The following TTC6 variants were observed in gnomAD, a reference collection of about 807,000 sequenced individuals.
The protein encoded by TTC6 is tetratricopeptide repeat domain 6, also known as tetratricopeptide repeat protein 6.
In TTC6, 172 loss-of-function variants were observed where a neutral mutation model predicts 210.4. The ratio of observed to expected loss-of-function variants is 0.82; its 90% CI spans 0.72 to 0.93. The LOEUF is 0.93. Among genes scored for constraint, TTC6 ranks in the 40% least tolerant of loss-of-function variants. The probability of loss-of-function intolerance (pLI) is 0.00; values close to 1 mark genes in which losing one functional copy is unlikely to be tolerated. For synonymous variants in TTC6, 804 were observed against 819.6 expected (o/e 0.98, Z 0.32); for missense variants, 2,414 against 2,318.1 (o/e 1.04, Z -0.85).
chr14:37,650,650 A>G (rs1176932967), intron 1 of TTC6, among the ~76,000 whole-genome samples: 1 of 152,190 alleles, frequency 6.6e-6, no homozygotes, highest in Non-Finnish European at 1.5e-5. Flanking sequence ...TGTCTCTGCT[A>G]GATCTGTGAG....
At chr14:37,668,903 C>A (rs1034074014) in intron 1 of TTC6, among the ~76,000 whole-genome samples, 1 of 152,160 alleles carries the variant, frequency 6.6e-6, no homozygotes, top group Non-Finnish European at 1.5e-5. Flanking sequence ...TAAAGACTGT[C>A]GTGATGTCTC....
chr14:37,718,288 A>G (rs1210905852), intron 6 of TTC6, among the ~76,000 whole-genome samples: 1 of 152,224 alleles, frequency 6.6e-6, no homozygotes, highest in Non-Finnish European at 1.5e-5. Flanking sequence ...ACTGTAATTC[A>G]TCATTTTAAC....
chr14:37,738,970 T>A, exon 10 of TTC6: 1 of 1,535,440 alleles, frequency 6.5e-7, no homozygotes, highest in Non-Finnish European at 8.7e-7. Flanking sequence ...ACATCTTTGA[T>A]AACATGTGCG....
Position 37,598,092 on chromosome 14 carries a change from G to A in TTC6, c.-235+2084G>A, listed in dbSNP as rs966826441. Among the ~76,000 whole-genome samples the A allele has an allele frequency of 6.6e-6, 1 of 152,224 alleles. No homozygotes were observed. The highest frequency in any genetic ancestry group is 1.5e-5 in the Non-Finnish European group (1 of 68,040). ...CTGTCTGGGAGTTGCTGGCCAGTCG[G>A]TAGCCAGGTCCAGCGGCTGCAGCCT... On this transcript the variant is annotated intron_variant, in intron 1 of 2. Transcript: ENST00000556845. The surrounding 1 kb of genome is among the most constrained non-coding windows in gnomAD (Gnocchi z 4.9).
intron 26 of TTC6, among the ~76,000 whole-genome samples, chr14:37,822,069 G>A (rs1160325930): frequency 3.9e-5 from 6 of 151,996 alleles, no homozygotes; most frequent in Non-Finnish European, 7.4e-5. Flanking sequence ...GTGAGCCACC[G>A]TGCCCGGCCA....
At chr14:37,622,344 C>G (rs1210393492) in exon 1 of TTC6, 3 of 1,531,748 alleles carry the variant, frequency 2.0e-6, no homozygotes, top group African/African-American at 2.7e-5. Context: ...GCAGGAGGTG[C>G]TCGGAGGCGC....
chr14:37,652,646 C>G (rs1190061203), intron 1 of TTC6, among the ~76,000 whole-genome samples: 1 of 152,174 alleles, frequency 6.6e-6, no homozygotes, highest in East Asian at 1.9e-4. Flanking sequence ...CTAAAGACAA[C>G]AACTTCCCAG....
exon 11 of TTC6, chr14:37,749,022 G>A (rs767141519): frequency 1.3e-6 from 2 of 1,535,648 alleles, no homozygotes; most frequent in South Asian, 2.4e-5. Flanking sequence ...CGGTGTCCCA[G>A]TTTACCTTTG....
intron 15 of TTC6, among the ~76,000 whole-genome samples, chr14:37,790,151 G>T (rs1042409788): frequency 7.2e-5 from 11 of 152,104 alleles, no homozygotes; most frequent in Non-Finnish European, 1.5e-4. Context: ...CATTTGGGAT[G>T]TGCATAGTCA....
At chr14:37,755,086 T>TA (rs1441109828) in intron 14 of TTC6, among the ~76,000 whole-genome samples, 1 of 152,208 alleles carries the variant, frequency 6.6e-6, no homozygotes, top group Non-Finnish European at 1.5e-5. Flanking sequence ...CCTGACTTTT[T>TA]ATCAGCATTC....
intron 17 of TTC6, among the ~76,000 whole-genome samples, chr14:37,793,477 C>G (rs1595275587): frequency 6.6e-6 from 1 of 152,236 alleles, no homozygotes; most frequent in South Asian, 2.1e-4. Flanking sequence ...TTATCTACAT[C>G]TCAGGACCCA....
chr14:37,792,326 C>G, exon 17 of TTC6: 3 of 1,532,386 alleles, frequency 2.0e-6, no homozygotes, highest in Non-Finnish European at 2.6e-6. Flanking sequence ...GATAACTACA[C>G]GGAAGCTATT....
At chr14:37,834,401 T>G (rs937426650) in intron 29 of TTC6, among the ~76,000 whole-genome samples, 2 of 152,136 alleles carry the variant, frequency 1.3e-5, no homozygotes, top group Non-Finnish European at 2.9e-5. Flanking sequence ...GTCTGACTAT[T>G]TCATTTCTAA....
intron 7 of TTC6, among the ~76,000 whole-genome samples, chr14:37,725,344 AT>A (rs2095870524): frequency 8.6e-6 from 1 of 116,582 alleles, no homozygotes; most frequent in African/African-American, 3.2e-5. Flanking sequence ...ATATATATAT[AT>A]ATATATATAT....
intron 24 of TTC6, among the ~76,000 whole-genome samples, chr14:37,811,370 A>G (rs943690007): frequency 4.6e-5 from 7 of 152,314 alleles, no homozygotes; most frequent in Admixed American, 3.3e-4. Flanking sequence ...ACATACCTAT[A>G]GGATCTTTAA....
intron 2 of TTC6, among the ~76,000 whole-genome samples, chr14:37,616,693 C>T (rs528905545): frequency 2.0e-5 from 3 of 149,316 alleles, no homozygotes; most frequent in Non-Finnish European, 4.4e-5. Context: ...TGATACTCTG[C>T]CTCAACACTG....
At chr14:37,622,704 T>C in exon 1 of TTC6, 1 of 1,535,060 alleles carries the variant, frequency 6.5e-7, no homozygotes, top group South Asian at 1.2e-5. Context: ...AGAGGACGGC[T>C]ACATGGAGGC....
At chr14:37,826,857 A>G (rs900935314) in intron 28 of TTC6, among the ~76,000 whole-genome samples, 1 of 152,132 alleles carries the variant, frequency 6.6e-6, no homozygotes, top group Non-Finnish European at 1.5e-5. Context: ...AATTGCTACT[A>G]CATAGGACAA....
intron 7 of TTC6, among the ~76,000 whole-genome samples, chr14:37,730,133 C>T (rs1322300189): frequency 6.6e-6 from 1 of 152,164 alleles, no homozygotes; most frequent in African/African-American, 2.4e-5. Flanking sequence ...TCAAAGACTC[C>T]TGGTTGTGGT....
Sources: allele counts gnomAD v4.1 joint callset (sites outside exome capture counted in the v4.1 genomes callset), GRCh38; gene constraint gnomAD v4.1.1; non-coding constraint Gnocchi (gnomAD v3.1); transcripts MANE v1.5; gene names NCBI Gene and HGNC (gene_info 2026-07-23, HGNC 2026-07-21).